The following SIPA1L1 variants were observed in gnomAD, a reference collection of about 807,000 sequenced individuals.
SIPA1L1 encodes signal-induced proliferation-associated 1-like protein 1.
SIPA1L1 carries 26 observed loss-of-function variants against 162.7 expected under a neutral mutation model. That is an observed-to-expected ratio of 0.16 (90% confidence interval 0.12 to 0.22). The LOEUF is 0.22. Among genes scored for constraint, SIPA1L1 ranks in the 10% least tolerant of loss-of-function variants. The pLI, the probability that SIPA1L1 is intolerant of heterozygous loss-of-function variation, is 1.00. For missense variants in SIPA1L1, 1,874 were observed against 2,241.0 expected, an observed-to-expected ratio of 0.84 and a Z score of 3.31; for synonymous variants, 829 against 837.4, an observed-to-expected ratio of 0.99 and a Z score of 0.17.
At chr14:71,601,925 C>G (rs1259333976) in intron 5 of SIPA1L1, among the ~76,000 whole-genome samples, 1 of 150,336 alleles carries the variant, frequency 6.7e-6, no homozygotes, top group Non-Finnish European at 1.5e-5. Context: ...TTTTTCATTT[C>G]TGATTTTATT....
chr14:71,471,064 T>C lies in SIPA1L1; in HGVS notation c.-464-41679T>C, dbSNP rs111438918. On this transcript the variant is annotated intron_variant, in intron 2 of 23. Transcript: ENST00000381232. Reference sequence around the variant, plus strand: ...ACTGTATTAGCCAGGATGGTCTCTATCTCCTGCCTGACTTTGTGATCCACC... The same window carrying C: ...ACTGTATTAGCCAGGATGGTCTCTACCTCCTGCCTGACTTTGTGATCCACC... Among the ~76,000 whole-genome samples the C allele has an allele frequency of 5.2e-3, 797 of 152,258 alleles. 10 individuals carry two copies. Among genetic ancestry groups the C allele is most frequent in the African/African-American group, 0.018 (749 of 41,546 alleles).
intron 4 of SIPA1L1, among the ~76,000 whole-genome samples, chr14:71,571,233 A>T (rs2031940072): frequency 1.3e-5 from 2 of 152,218 alleles, no homozygotes; most frequent in Non-Finnish European, 2.9e-5. Flanking sequence ...AGAGAAAAAG[A>T]TAAAGAAATG....
intron 3 of SIPA1L1, among the ~76,000 whole-genome samples, chr14:71,522,561 C>T (rs933723971): frequency 3.3e-5 from 5 of 152,176 alleles, no homozygotes; most frequent in African/African-American, 9.7e-5. Flanking sequence ...AGCATCATGT[C>T]AGCACTCAAA....
intron 2 of SIPA1L1, among the ~76,000 whole-genome samples, chr14:71,478,633 TAC>T (rs2048073153): frequency 6.6e-6 from 1 of 152,260 alleles, no homozygotes; most frequent in Non-Finnish European, 1.5e-5. Flanking sequence ...ATTGCCATTG[TAC>T]CTTTACCAAG....
chr14:71,728,676 C>T (rs892411719), intron 19 of SIPA1L1, among the ~76,000 whole-genome samples: 8 of 152,224 alleles, frequency 5.3e-5, no homozygotes, highest in Non-Finnish European at 1.5e-5. Context: ...TCTCTCTCTG[C>T]CCCTTCAGAG....
intron 2 of SIPA1L1, among the ~76,000 whole-genome samples, chr14:71,493,555 G>C (rs1339797884): frequency 6.6e-6 from 1 of 152,116 alleles, no homozygotes; most frequent in Admixed American, 6.6e-5. Context: ...GTTTCTCCAA[G>C]GACATAATGT....
intron 15 of SIPA1L1, among the ~76,000 whole-genome samples, chr14:71,703,055 C>T (rs1566690508): frequency 6.6e-6 from 1 of 152,154 alleles, no homozygotes; most frequent in Non-Finnish European, 1.5e-5. Context: ...AGCTTGTGCC[C>T]GGATTTCTAC....
chr14:71,333,828 TAGG>T (rs766709686), intron 2 of SIPA1L1, among the ~76,000 whole-genome samples: 3 of 151,810 alleles, frequency 2.0e-5, no homozygotes, highest in Non-Finnish European at 2.9e-5. Context: ...AAGGTGGAAA[TAGG>T]GGGATGTTAG....
chr14:71,389,413 A>T (rs949094264), intron 2 of SIPA1L1, among the ~76,000 whole-genome samples: 2 of 152,222 alleles, frequency 1.3e-5, no homozygotes, highest in Non-Finnish European at 2.9e-5. Flanking sequence ...GTTAAGGAAG[A>T]TACATGATTG....
intron 4 of SIPA1L1, among the ~76,000 whole-genome samples, chr14:71,542,476 C>T (rs2054517087): frequency 1.3e-5 from 2 of 150,868 alleles, no homozygotes; most frequent in East Asian, 3.9e-4. Flanking sequence ...GCTGCTTCTG[C>T]TTCTGCTTCT....
chr14:71,380,878 C>T (rs2141183173), intron 2 of SIPA1L1, among the ~76,000 whole-genome samples: 1 of 152,244 alleles, frequency 6.6e-6, no homozygotes, highest in South Asian at 2.1e-4. Context: ...AGCTTAGCAA[C>T]ACTTATATGC....
chr14:71,458,878 C>G (rs1203486678), intron 2 of SIPA1L1, among the ~76,000 whole-genome samples: 2 of 151,890 alleles, frequency 1.3e-5, no homozygotes, highest in Admixed American at 6.6e-5. Context: ...AGAGACCAAC[C>G]TGGCCTCTAA....
chr14:71,600,977 T>A (rs1185582729), intron 5 of SIPA1L1, among the ~76,000 whole-genome samples: 1 of 152,176 alleles, frequency 6.6e-6, no homozygotes, highest in Non-Finnish European at 1.5e-5. Context: ...AATTTAATGA[T>A]CCAGATCTAA....
chr14:71,431,251 A>T (rs1376500839), intron 2 of SIPA1L1, among the ~76,000 whole-genome samples: 1 of 152,230 alleles, frequency 6.6e-6, no homozygotes, highest in Non-Finnish European at 1.5e-5. Context: ...ACATCTTTTC[A>T]TATGGGTGAA....
rs900397651 is a variant in SIPA1L1 at position 71,536,318 on chromosome 14, C to T, written c.-303+6948C>T. ...CACAACCCTCTTAACTTCCAATGGG[C>T]TTCTTTTAAGTGTCTATGCTTAACA... On this transcript the variant is annotated intron_variant, in intron 4 of 23. Coordinates refer to ENST00000381232, the MANE Select transcript of SIPA1L1 (RefSeq NM_001386936.1). 2.0e-5 allele frequency among the ~76,000 whole-genome samples: 3 copies of T among 152,298 alleles called. No individual in the cohort carries two copies. The South Asian group carries it at 6.2e-4, about 32-fold the overall frequency.
chr14:71,603,341 A>T (rs1417947672), intron 5 of SIPA1L1, among the ~76,000 whole-genome samples: 1 of 152,148 alleles, frequency 6.6e-6, no homozygotes, highest in Non-Finnish European at 1.5e-5. Context: ...ATCTATTTAC[A>T]TTCAAGGTTA....
Position 71,490,735 on chromosome 14 carries a change from A to AT in SIPA1L1, c.-464-22002dup, listed in dbSNP as rs148236661. ...GTGGAAACATTTGGAAGCATTTATC[A>AT]TTTTTTCTTTGTTGTATACCCATTT... On this transcript the variant is annotated intron_variant, in intron 2 of 23. Transcript: ENST00000381232. Among the ~76,000 whole-genome samples, 189 of 152,272 alleles carry AT rather than the reference A, an allele frequency of 1.2e-3. No individual in the cohort carries two copies. In the East Asian group the frequency reaches 0.027, roughly 22 times the overall value.
chr14:71,589,773 A>G (rs1433245067), intron 5 of SIPA1L1, among the ~76,000 whole-genome samples: 1 of 152,030 alleles, frequency 6.6e-6, no homozygotes, highest in Non-Finnish European at 1.5e-5. Flanking sequence ...TCACTTCCAC[A>G]GTAAGTACAG....
chr14:71,488,215 C>T (rs971993030), intron 2 of SIPA1L1, among the ~76,000 whole-genome samples: 2 of 152,112 alleles, frequency 1.3e-5, no homozygotes, highest in Admixed American at 6.6e-5. Context: ...GTGACATGTA[C>T]AAATGGGCAC....
Sources: gnomAD v4.1 joint callset for allele counts (sites outside exome capture counted in the v4.1 genomes callset) on GRCh38, gnomAD v4.1.1 for gene constraint, MANE v1.5 for transcripts, NCBI Gene and HGNC (gene_info 2026-07-23, HGNC 2026-07-21) for gene names.